The following NAV2 variants were observed in gnomAD, a reference collection of about 807,000 sequenced individuals.
The protein encoded by NAV2 is helicase, APC down-regulated 1.
A neutral mutation model predicts 223.2 loss-of-function variants in NAV2; 54 were observed. That is an observed-to-expected ratio of 0.24 (90% confidence interval 0.19 to 0.30). The LOEUF (loss-of-function observed/expected upper bound fraction) is 0.30. Among genes scored for constraint, NAV2 ranks in the 10% least tolerant of loss-of-function variants. NAV2 has a pLI of 1.00. For synonymous variants in NAV2, 1,279 were observed against 1,239.3 expected (o/e 1.03, Z -0.67); for missense variants, 2,806 against 3,147.5 (o/e 0.89, Z 2.60).
intron 11 of NAV2, chr11:20,027,594 C>A: frequency 2.8e-6 from 1 of 363,008 alleles, no homozygotes; most frequent in Non-Finnish European, 3.8e-6. Context: ...TGGAAGCAGA[C>A]CCAGCCTTTG....
chr11:19,888,827 G>A (rs1053726513), intron 5 of NAV2, among the ~76,000 whole-genome samples: 4 of 151,988 alleles, frequency 2.6e-5, no homozygotes, highest in African/African-American at 4.8e-5. Flanking sequence ...CCCATTCAGC[G>A]TGCCAGACTT....
At chr11:20,062,205 C>A in intron 19 of NAV2, 102 bp from the exon 20 acceptor site, 1 of 745,550 alleles carries the variant, frequency 1.3e-6, no homozygotes, top group South Asian at 2.0e-5. Context: ...TAAGTCATTC[C>A]AAGCCTGGAG....
At chr11:19,636,655 A>G (rs2047511413) in intron 1 of NAV2, among the ~76,000 whole-genome samples, 1 of 152,108 alleles carries the variant, frequency 6.6e-6, no homozygotes, top group Non-Finnish European at 1.5e-5. Context: ...TATTTTTAGT[A>G]GAGACGGGGT....
At chr11:19,620,163 C>T (rs1218524675) in intron 1 of NAV2, among the ~76,000 whole-genome samples, 3 of 151,988 alleles carry the variant, frequency 2.0e-5, no homozygotes, top group Non-Finnish European at 2.9e-5. Context: ...GTTACTGTAG[C>T]CTTGTAGTAT....
intron 4 of NAV2, among the ~76,000 whole-genome samples, chr11:19,876,362 C>G (rs958935024): frequency 4.6e-5 from 7 of 152,122 alleles, no homozygotes; most frequent in African/African-American, 1.7e-4. Context: ...ACTTTCATAA[C>G]AATCCTACAG....
chr11:20,064,307 G>C (rs1422445280), intron 20 of NAV2, among the ~76,000 whole-genome samples: 1 of 152,172 alleles, frequency 6.6e-6, no homozygotes, highest in Non-Finnish European at 1.5e-5. Flanking sequence ...TAACCCCTAG[G>C]ATATAATTTA....
chr11:19,697,332 C>A (rs2049373953), intron 1 of NAV2, among the ~76,000 whole-genome samples: 1 of 152,116 alleles, frequency 6.6e-6, no homozygotes, highest in Non-Finnish European at 1.5e-5. Flanking sequence ...GGGTTCTATG[C>A]TTTTGGCCTG....
intron 12 of NAV2, among the ~76,000 whole-genome samples, chr11:20,036,902 G>C (rs2056425498): frequency 6.6e-6 from 1 of 152,118 alleles, no homozygotes; most frequent in Non-Finnish European, 1.5e-5. Flanking sequence ...CTACTTTAAG[G>C]CTTCAGATTT....
chr11:20,091,636 C>T (rs1175204881), intron 27 of NAV2, among the ~76,000 whole-genome samples: 1 of 152,150 alleles, frequency 6.6e-6, no homozygotes, highest in Non-Finnish European at 1.5e-5. Flanking sequence ...GGACATAGCA[C>T]CAATGCCTTG....
chr11:19,813,991 T>G (rs904392744), intron 1 of NAV2, among the ~76,000 whole-genome samples: 1 of 152,176 alleles, frequency 6.6e-6, no homozygotes, highest in Non-Finnish European at 1.5e-5. Flanking sequence ...CAAGCAGGAC[T>G]TTCATCTGTG....
chr11:19,670,461 G>T lies in NAV2; in HGVS notation c.76-162023G>T, dbSNP rs542219036. On this transcript the variant is annotated intron_variant, in intron 1 of 37. Transcript: ENST00000360655. ...CTTGCCAAGTGAAGTGTCTACCCTT[G>T]CAGTGCTCAGGGAACCCCGCGGAGA... is the stretch of plus-strand genomic sequence containing the variant. Among the ~76,000 whole-genome samples the T allele has an allele frequency of 3.3e-5, 5 of 152,326 alleles. No homozygotes were observed. The South Asian group carries it at 6.2e-4, about 19-fold the overall frequency.
chr11:20,009,901 G>C (rs1165641087), intron 11 of NAV2, among the ~76,000 whole-genome samples: 1 of 151,822 alleles, frequency 6.6e-6, no homozygotes, highest in African/African-American at 2.4e-5. Context: ...GACCAGATTG[G>C]GTGTCCCTCC....
chr11:19,828,069 G>C (rs1333185660), intron 1 of NAV2, among the ~76,000 whole-genome samples: 2 of 152,226 alleles, frequency 1.3e-5, no homozygotes, highest in Non-Finnish European at 2.9e-5. Flanking sequence ...ATTTGAGTCA[G>C]GGAAGCTGGC....
intron 1 of NAV2, among the ~76,000 whole-genome samples, chr11:19,780,219 A>C (rs2056620633): frequency 6.6e-6 from 1 of 152,192 alleles, no homozygotes. Flanking sequence ...CATCTGTCCA[A>C]ATCCCATCTG....
chr11:20,039,769 G>C (rs540272904), intron 12 of NAV2, among the ~76,000 whole-genome samples: 2 of 152,220 alleles, frequency 1.3e-5, no homozygotes, highest in African/African-American at 4.8e-5. Context: ...CAATGCCTGT[G>C]AAATGTTTAA....
intron 12 of NAV2, among the ~76,000 whole-genome samples, chr11:20,038,229 T>C (rs2056584928): frequency 6.6e-6 from 1 of 152,216 alleles, no homozygotes; most frequent in African/African-American, 2.4e-5. Flanking sequence ...ATCTTGTAAA[T>C]GTCACATCAG....
chr11:19,494,031 G>A (rs984175918), intron 1 of NAV2, among the ~76,000 whole-genome samples: 12 of 152,192 alleles, frequency 7.9e-5, no homozygotes, highest in East Asian at 1.9e-4. Flanking sequence ...CCTGATCCCT[G>A]CAGACCAGAC....
chr11:20,031,880 AC>A (rs1203909273), intron 11 of NAV2, among the ~76,000 whole-genome samples: 2 of 152,166 alleles, frequency 1.3e-5, no homozygotes, highest in Non-Finnish European at 2.9e-5. Context: ...TGTACTGTTT[AC>A]AGTGTGAATC....
At chr11:20,034,741 A>C (rs2056183963) in intron 11 of NAV2, among the ~76,000 whole-genome samples, 2 of 152,322 alleles carry the variant, frequency 1.3e-5, no homozygotes, top group Admixed American at 1.3e-4. Context: ...CAGCAAACAA[A>C]TGAGTAAATG....
Sources: allele counts gnomAD v4.1 joint callset (sites outside exome capture counted in the v4.1 genomes callset), GRCh38; gene constraint gnomAD v4.1.1; transcripts MANE v1.5; gene names NCBI Gene and HGNC (gene_info 2026-07-23, HGNC 2026-07-21).